FOXK1: variants seen among roughly 807,000 people sequenced by gnomAD.
FOXK1 encodes the protein forkhead box K1.
In FOXK1, 19 loss-of-function variants were observed where a neutral mutation model predicts 51.9. The ratio of observed to expected loss-of-function variants is 0.37; its 90% CI spans 0.26 to 0.54. The LOEUF (loss-of-function observed/expected upper bound fraction) is 0.54. Ranked by LOEUF, FOXK1 falls within the 20% of genes least tolerant of loss-of-function variation. The pLI, the probability that FOXK1 is intolerant of heterozygous loss-of-function variation, is 0.87. For missense variants in FOXK1, 870 were observed against 1,032.7 expected (o/e 0.84, Z 2.16); for synonymous variants, 537 against 482.6 (o/e 1.11, Z -1.48).
chr7:4,708,732 G>C (rs1780136537), intron 1 of FOXK1, among the ~76,000 whole-genome samples: 1 of 152,172 alleles, frequency 6.6e-6, no homozygotes, highest in Admixed American at 6.5e-5. Flanking sequence ...CTCAGAGCCT[G>C]GTTGGATATT....
intron 2 of FOXK1, among the ~76,000 whole-genome samples, chr7:4,744,745 GC>G (rs1364896005): frequency 3.3e-5 from 5 of 152,246 alleles, no homozygotes; most frequent in Non-Finnish European, 7.3e-5. Context: ...TGCTCTTGCT[GC>G]GGGAGCCAGG....
intron 1 of FOXK1, among the ~76,000 whole-genome samples, chr7:4,712,681 C>T (rs1257306287): frequency 6.6e-6 from 1 of 152,174 alleles, no homozygotes; most frequent in Admixed American, 6.5e-5. Context: ...TCATTTTACA[C>T]CTCAAGGGTT....
At position 4,759,596 on chromosome 7, in the gene FOXK1, G is replaced by T. The variant is rs1168885707; in HGVS notation, c.1696+1G>T. The T allele has an allele frequency of 6.5e-7, 1 of 1,534,408 alleles. No homozygotes were observed. The highest frequency in any genetic ancestry group is 1.4e-5 in the African/African-American group (1 of 73,170). ...CTGGACCTGGGCAGCGAGGCCAGAG[G>T]TAATGCAGCCGCGGCTGGCAGCCTT... On this transcript the variant is annotated splice_donor_variant, in intron 7 of 8. Transcript: ENST00000328914. LOFTEE classifies it high-confidence loss of function.
chr7:4,754,872 C>T (rs1306116109), intron 3 of FOXK1: 1 of 592,274 alleles, frequency 1.7e-6, no homozygotes, highest in East Asian at 2.9e-5. Flanking sequence ...GCTCCTTGTT[C>T]ATCTGCCGCT....
At chr7:4,716,568 A>G (rs903990303) in intron 1 of FOXK1, among the ~76,000 whole-genome samples, 1 of 152,202 alleles carries the variant, frequency 6.6e-6, no homozygotes, top group Non-Finnish European at 1.5e-5. Context: ...AAGCCAGTAC[A>G]GTGGGAGGGG....
At chr7:4,754,759 C>T (rs1329507970) in intron 3 of FOXK1, 144 bp downstream of exon 3, 5 of 1,043,326 alleles carry the variant, frequency 4.8e-6, no homozygotes, top group Non-Finnish European at 4.1e-6. Context: ...CCGCAGCTGG[C>T]GGTAGAGCCG....
At position 4,703,843 on chromosome 7, in the gene FOXK1, C is replaced by T. The variant is rs943729984; in HGVS notation, c.560+20975C>T. ...GAGACTCCCCTAACCATGATTTAAT[C>T]TGGGGAAGGGAGAAAAGTAACATAT... On this transcript the variant is annotated intron_variant, in intron 1 of 8. Transcript: ENST00000328914. This position sits in a 1 kb window ranked among gnomAD's most constrained non-coding sequence, Gnocchi z 5.6. Among the ~76,000 whole-genome samples the T allele has an allele frequency of 6.6e-6, 1 of 152,066 alleles. No homozygotes were observed. Among genetic ancestry groups the T allele is most frequent in the African/African-American group, 2.4e-5 (1 of 41,386 alleles).
In FOXK1 at chr7:4,682,827, CT is replaced by C; in HGVS notation, c.521del (p.Phe174SerfsTer52). The C allele has an allele frequency of 6.4e-7, 1 of 1,571,390 alleles. No individual in the cohort carries two copies. Among genetic ancestry groups the C allele is most frequent in the East Asian group, 2.3e-5 (1 of 43,058 alleles). ...AGAACGGCGTCTTCGTGGACGGGGC[CT>C]TCCAGAGACGCGGCGCGCCCGCCCT... ...GKNGVFVDGA[F>X]QRRGAPALQL... On this transcript the variant is annotated frameshift_variant, in exon 1 of 9. Coordinates refer to ENST00000328914, the MANE Select transcript of FOXK1 (RefSeq NM_001037165.2). LOFTEE classifies it high-confidence loss of function. This position sits in a 1 kb window ranked among gnomAD's most constrained non-coding sequence, Gnocchi z 7.6.
At chr7:4,721,050 G>T (rs796153518) in intron 1 of FOXK1, among the ~76,000 whole-genome samples, 2 of 152,130 alleles carry the variant, frequency 1.3e-5, no homozygotes, top group African/African-American at 4.8e-5. Flanking sequence ...GTTAAGTTTT[G>T]TAGTTTTCTC....
At chr7:4,714,710 G>A (rs890317170) in intron 1 of FOXK1, among the ~76,000 whole-genome samples, 1 of 152,182 alleles carries the variant, frequency 6.6e-6, no homozygotes, top group African/African-American at 2.4e-5. Flanking sequence ...TTCTAAGTAG[G>A]CGTTACATTC....
At position 4,762,650 on chromosome 7, in the gene FOXK1, AAC is replaced by A. The variant is rs1380677344; in HGVS notation, c.*190_*191del. 2.2e-5 allele frequency: 13 copies of A among 597,268 alleles called. No individual in the cohort carries two copies. The highest frequency in any genetic ancestry group is 3.5e-5 in the Non-Finnish European group (12 of 338,586). The allele number at this position is 597,268 out of a possible 1,614,324, so 37.0% of individuals were successfully genotyped here. ...CTGCCTTCCCGTGGTTTAAGACAAA[AAC>A]ACATAAACAAGTTCAGACAACTGAT... On this transcript the variant is annotated 3_prime_UTR_variant, in exon 9 of 9. Transcript: ENST00000328914. The surrounding 1 kb of genome is among the most constrained non-coding windows in gnomAD (Gnocchi z 5.7).
intron 2 of FOXK1, among the ~76,000 whole-genome samples, chr7:4,754,024 ACGGGGTTGTCCTGGGCC>A: frequency 6.6e-6 from 1 of 152,238 alleles, no homozygotes; most frequent in South Asian, 2.1e-4. Flanking sequence ...CTGTGACCAC[ACGGGGTTGTCCTGGGCC>A]CGAGCCTTTT....
chr7:4,710,488 T>A (rs1476201960), intron 1 of FOXK1, among the ~76,000 whole-genome samples: 1 of 152,170 alleles, frequency 6.6e-6, no homozygotes, highest in Non-Finnish European at 1.5e-5. Flanking sequence ...GGCAGGAGAA[T>A]CGCTTGAAGC....
intron 1 of FOXK1, among the ~76,000 whole-genome samples, chr7:4,698,604 G>T (rs1033977913): frequency 6.6e-6 from 1 of 152,132 alleles, no homozygotes; most frequent in African/African-American, 2.4e-5. Flanking sequence ...CCAGGCCGGA[G>T]TACAGTGGCA....
intron 1 of FOXK1, among the ~76,000 whole-genome samples, chr7:4,718,811 T>TTTTG (rs1274409980): frequency 6.6e-6 from 1 of 152,244 alleles, no homozygotes; most frequent in Non-Finnish European, 1.5e-5. Flanking sequence ...GCTTTTGTTT[T>TTTTG]TTTGTTTGTT....
At chr7:4,694,892 C>T (rs867931456) in intron 1 of FOXK1, among the ~76,000 whole-genome samples, 10 of 152,364 alleles carry the variant, frequency 6.6e-5, no homozygotes, top group South Asian at 4.1e-4. Context: ...GAAATACACC[C>T]TCCCATCCTG....
chr7:4,726,137 TTAAAA>T (rs1443863290), intron 1 of FOXK1, among the ~76,000 whole-genome samples: 8 of 152,146 alleles, frequency 5.3e-5, no homozygotes, highest in African/African-American at 1.2e-4. Flanking sequence ...AGGGAAAGTC[TTAAAA>T]TAAATAACTT....
chr7:4,757,851 C>T (rs930759527), intron 5 of FOXK1, among the ~76,000 whole-genome samples: 8 of 151,970 alleles, frequency 5.3e-5, no homozygotes, highest in East Asian at 1.9e-4. Flanking sequence ...CCACAACCCC[C>T]GCCCCTCAAG....
At chr7:4,754,810 G>A (rs2115071319) in intron 3 of FOXK1, 195 bp downstream of exon 3, 1 of 717,890 alleles carries the variant, frequency 1.4e-6, no homozygotes, top group South Asian at 1.9e-5. Flanking sequence ...ATCCCCGTTG[G>A]TCATTTGCTG....
Sources: allele counts gnomAD v4.1 joint callset (sites outside exome capture counted in the v4.1 genomes callset), GRCh38; gene constraint gnomAD v4.1.1; non-coding constraint Gnocchi (gnomAD v3.1); transcripts MANE v1.5; gene names NCBI Gene and HGNC (gene_info 2026-07-23, HGNC 2026-07-21).